USP10: variants seen among roughly 807,000 people sequenced by gnomAD.
USP10 encodes ubiquitin carboxyl-terminal hydrolase 10.
A neutral mutation model predicts 84.5 loss-of-function variants in USP10; 22 were observed. That is an observed-to-expected ratio of 0.26 (90% CI 0.19 to 0.37). USP10 has a LOEUF of 0.37. Among genes scored for constraint, USP10 ranks in the 10% least tolerant of loss-of-function variants. The pLI is 1.00. For missense variants in USP10, 1,019 were observed against 998.9 expected, an observed-to-expected ratio of 1.02 and a Z score of -0.27; for synonymous variants, 454 against 387.6, an observed-to-expected ratio of 1.17 and a Z score of -2.01.
intron 13 of USP10, among the ~76,000 whole-genome samples, chr16:84,775,631 G>C (rs112951037): frequency 3.3e-5 from 5 of 152,126 alleles, no homozygotes; most frequent in Admixed American, 1.3e-4. Context: ...TGATCCCTGC[G>C]TCCTCCCCCA....
rs375765095 is a variant in USP10 at position 84,764,077 on chromosome 16, C to G, written c.1655-9C>G. On this transcript the variant is annotated splice_polypyrimidine_tract_variant and intron_variant, in intron 9 of 13. Transcript: ENST00000219473. ...AAATAGTAGTGTAAGCAGATGCTCTCCTTTTCAGAACTTACGATTTCCAAC... is the reference window on the plus strand; with the variant it reads ...AAATAGTAGTGTAAGCAGATGCTCTGCTTTTCAGAACTTACGATTTCCAAC... 2.1e-5 allele frequency: 34 copies of G among 1,610,312 alleles called. No homozygotes were observed. Among genetic ancestry groups the G allele is most frequent in the Non-Finnish European group, 2.6e-5 (31 of 1,178,368 alleles).
intron 4 of USP10, among the ~76,000 whole-genome samples, chr16:84,751,782 C>T (rs889805083): frequency 6.6e-6 from 1 of 152,140 alleles, no homozygotes. Flanking sequence ...GATTACGGGC[C>T]AGTTATTGAG....
At chr16:84,764,992 C>G (rs1488061202) in intron 10 of USP10, among the ~76,000 whole-genome samples, 3 of 142,638 alleles carry the variant, frequency 2.1e-5, no homozygotes, top group Non-Finnish European at 4.6e-5. Context: ...CAACATAAAA[C>G]CACCTCCGGG....
chr16:84,703,958 C>T (rs764774503), intron 1 of USP10, among the ~76,000 whole-genome samples: 3 of 152,150 alleles, frequency 2.0e-5, no homozygotes, highest in Non-Finnish European at 4.4e-5. Context: ...TGTTCTGTTA[C>T]GTGGAACTGA....
intron 1 of USP10, among the ~76,000 whole-genome samples, chr16:84,708,047 C>A (rs575239169): frequency 2.4e-4 from 36 of 152,140 alleles, no homozygotes; most frequent in Middle Eastern, 3.4e-3. Context: ...CACTGCACTT[C>A]AGCTTGGGTG....
rs1915370762 is a variant in USP10, at chr16:84,779,716, G to A, written c.*634G>A. ...ATAGATGGGTGATTGTAACTTTATT[G>A]CCATTAAAAGATTTCAAATTGCATT... On this transcript the variant is annotated 3_prime_UTR_variant, in exon 14 of 14. Coordinates refer to ENST00000219473, the MANE Select transcript of USP10 (RefSeq NM_005153.3). The A allele has an allele frequency of 6.5e-6, 1 of 152,674 alleles. No homozygotes were observed. The highest frequency in any genetic ancestry group is 2.1e-4 in the South Asian group (1 of 4,832). The allele number at this position is 152,674 out of a possible 1,614,324, so 9.5% of individuals were successfully genotyped here. A position where few individuals can be genotyped will look rare whatever the true frequency, so the allele number is the denominator to read the frequency against.
chr16:84,725,105 A>T (rs1201060611), intron 1 of USP10, among the ~76,000 whole-genome samples: 1 of 152,188 alleles, frequency 6.6e-6, no homozygotes, highest in Non-Finnish European at 1.5e-5. Context: ...GTGTATTCAC[A>T]AAGTTTTGCA....
chr16:84,752,136 C>G (rs1912003419), intron 4 of USP10, among the ~76,000 whole-genome samples: 1 of 152,146 alleles, frequency 6.6e-6, no homozygotes, highest in Non-Finnish European at 1.5e-5. Flanking sequence ...CAAAAGTGAA[C>G]TACAGGTTTC....
chr16:84,740,288 G>T, intron 2 of USP10, 21 bp from the exon 3 acceptor site: 1 of 1,600,950 alleles, frequency 6.2e-7, no homozygotes, highest in Non-Finnish European at 8.5e-7. Flanking sequence ...ATTAAAATTT[G>T]TTTTCTGATT....
At chr16:84,748,353 G>C (rs755799564) in intron 4 of USP10, among the ~76,000 whole-genome samples, 3 of 151,796 alleles carry the variant, frequency 2.0e-5, no homozygotes, top group Non-Finnish European at 4.4e-5. Context: ...GCCCAGGCCG[G>C]AATGCAGTGG....
In USP10 at chr16:84,768,265, C is replaced by A. The variant is rs1269309032; in HGVS notation, c.1905C>A (p.Ile635=). 1.9e-6 allele frequency: 3 copies of A among 1,605,912 alleles called. No homozygotes were observed. The African/African-American group carries it at 4.0e-5, about 21-fold the overall frequency. Residue 635 remains isoleucine (I), a synonymous_variant, in exon 11 of 14, where the codon ATC becomes ATA. Coordinates refer to ENST00000219473, the MANE Select transcript of USP10 (RefSeq NM_005153.3). ...LQPFFTLQLD[I]QSDKIRTVQD... is the part of the protein sequence containing the mutation. The stretch of plus-strand genomic sequence containing the variant: ...CATTTTTCACGTTGCAGTTGGATAT[C>A]CAGTCAGACAAGATACGCACAGTCC...
At chr16:84,756,128 C>T (rs2150842371) in intron 4 of USP10, among the ~76,000 whole-genome samples, 1 of 143,298 alleles carries the variant, frequency 7.0e-6, no homozygotes, top group Admixed American at 7.0e-5. Flanking sequence ...TCAGCTTAGC[C>T]TGTACAGTGT....
chr16:84,745,905 G>T (rs576434887), intron 4 of USP10, among the ~76,000 whole-genome samples: 1 of 152,248 alleles, frequency 6.6e-6, no homozygotes, highest in Non-Finnish European at 1.5e-5. Context: ...TCTGTTAGCA[G>T]TTCTTTTCTG....
At chr16:84,723,248 T>G (rs187781042) in intron 1 of USP10, among the ~76,000 whole-genome samples, 1 of 152,232 alleles carries the variant, frequency 6.6e-6, no homozygotes, top group East Asian at 1.9e-4. Flanking sequence ...TGTTAATGAT[T>G]TTTCTTTAGG....
intron 11 of USP10, among the ~76,000 whole-genome samples, chr16:84,771,569 T>C (rs1914455039): frequency 6.6e-6 from 1 of 152,178 alleles, no homozygotes; most frequent in Non-Finnish European, 1.5e-5. Context: ...AGAGTTATTT[T>C]AAAATGGGTC....
intron 6 of USP10, 158 bp from the exon 7 acceptor site, chr16:84,759,733 C>G: frequency 1.3e-6 from 1 of 762,334 alleles, no homozygotes; most frequent in East Asian, 2.7e-5. Flanking sequence ...ACCAAAAATG[C>G]ATATAGAAGA....
At chr16:84,703,255 G>A (rs1244994253) in intron 1 of USP10, among the ~76,000 whole-genome samples, 1 of 152,004 alleles carries the variant, frequency 6.6e-6, no homozygotes, top group African/African-American at 2.4e-5. Context: ...AATTATTTGG[G>A]GTAATTAATT....
chr16:84,753,447 G>A (rs538466623), intron 4 of USP10, among the ~76,000 whole-genome samples: 2 of 152,102 alleles, frequency 1.3e-5, no homozygotes, highest in Non-Finnish European at 2.9e-5. Flanking sequence ...GGGGGATTCT[G>A]ATGTCTGTAT....
intron 5 of USP10, 123 bp from the exon 6 acceptor site, chr16:84,759,240 T>C: frequency 2.4e-6 from 2 of 845,756 alleles, no homozygotes; most frequent in Non-Finnish European, 3.9e-6. Flanking sequence ...TGGTGACATA[T>C]CTAAGTAGTT....
Sources: gnomAD v4.1 joint callset for allele counts (sites outside exome capture counted in the v4.1 genomes callset) on GRCh38, gnomAD v4.1.1 for gene constraint, MANE v1.5 for transcripts, NCBI Gene and HGNC (gene_info 2026-07-23, HGNC 2026-07-21) for gene names.